The following DPP6 variants were observed in gnomAD, a reference collection of about 807,000 sequenced individuals.
The protein encoded by DPP6 is dipeptidyl peptidase like 6, also known as A-type potassium channel modulatory protein DPP6.
Under a neutral mutation model 122.6 loss-of-function variants are expected in DPP6, and 69 were observed. The ratio of observed to expected loss-of-function variants is 0.56; its 90% CI spans 0.46 to 0.69. DPP6 has a LOEUF of 0.69. Ranked by LOEUF, DPP6 falls within the 30% of genes least tolerant of loss-of-function variation. The pLI is 0.00. For missense variants in DPP6, 928 were observed against 1,116.9 expected (o/e 0.83, Z 2.41); for synonymous variants, 418 against 433.1 (o/e 0.97, Z 0.43).
intron 18 of DPP6, among the ~76,000 whole-genome samples, chr7:154,868,981 C>T (rs1199506891): frequency 6.6e-6 from 1 of 152,158 alleles, no homozygotes; most frequent in East Asian, 1.9e-4. Context: ...CACCACTTAC[C>T]CATCACCTCT....
intron 1 of DPP6, among the ~76,000 whole-genome samples, chr7:154,134,805 A>G (rs1795461090): frequency 6.6e-6 from 1 of 152,140 alleles, no homozygotes; most frequent in Non-Finnish European, 1.5e-5. Flanking sequence ...TTGTGAGTGT[A>G]CACTTCCTAT....
intron 1 of DPP6, among the ~76,000 whole-genome samples, chr7:153,998,887 TAG>T (rs556267348): frequency 6.6e-6 from 1 of 152,252 alleles, no homozygotes; most frequent in Non-Finnish European, 1.5e-5. Flanking sequence ...ATCCCATTGA[TAG>T]AGAGTCAATT....
chr7:154,127,444 T>C (rs2150622213), intron 1 of DPP6, among the ~76,000 whole-genome samples: 1 of 152,278 alleles, frequency 6.6e-6, no homozygotes, highest in South Asian at 2.1e-4. Context: ...CTTCCCCTCA[T>C]GCACGGCCCT....
intron 8 of DPP6, among the ~76,000 whole-genome samples, chr7:154,749,745 G>C (rs868301496): frequency 2.0e-5 from 1 of 50,558 alleles, no homozygotes; most frequent in Non-Finnish European, 4.2e-5. Context: ...CATAGGACGG[G>C]AAAGAGAGGG....
At chr7:154,646,039 A>AAAAAAAC (rs1414745197) in intron 6 of DPP6, among the ~76,000 whole-genome samples, 4 of 149,570 alleles carry the variant, frequency 2.7e-5, no homozygotes, top group African/African-American at 4.9e-5. Context: ...AAAAAAAAAA[A>AAAAAAAC]AAAAAAGAAA....
intron 2 of DPP6, among the ~76,000 whole-genome samples, chr7:154,472,455 G>A (rs927740766): frequency 4.0e-5 from 3 of 74,862 alleles, no homozygotes; most frequent in Non-Finnish European, 1.3e-4. Flanking sequence ...AAGTCCTCCT[G>A]GAATCAATCC....
chr7:154,738,686 G>A (rs181941255), intron 8 of DPP6, among the ~76,000 whole-genome samples: 128 of 152,298 alleles, frequency 8.4e-4, no homozygotes, highest in African/African-American at 2.5e-3. Context: ...CCTGCTTAGC[G>A]GATAGAGCTT....
intron 3 of DPP6, among the ~76,000 whole-genome samples, chr7:154,491,226 G>C (rs1469577466): frequency 6.6e-6 from 1 of 152,140 alleles, no homozygotes; most frequent in Non-Finnish European, 1.5e-5. Flanking sequence ...AAAACTTAAT[G>C]TTGGATTAAG....
At chr7:154,879,881 CTG>C (rs1342993240) in intron 20 of DPP6, among the ~76,000 whole-genome samples, 1 of 152,212 alleles carries the variant, frequency 6.6e-6, no homozygotes, top group Admixed American at 6.5e-5. Context: ...TTAAGAGGCA[CTG>C]GAACTGAGGC....
At chr7:154,504,380 A>C (rs1825504004) in intron 3 of DPP6, among the ~76,000 whole-genome samples, 1 of 152,182 alleles carries the variant, frequency 6.6e-6, no homozygotes, top group Non-Finnish European at 1.5e-5. Flanking sequence ...ATTAATATAT[A>C]ATCTTATCGT....
chr7:153,848,161 G>A, the DPP6 span, among the ~76,000 whole-genome samples: 13 of 152,240 alleles, frequency 8.5e-5, no homozygotes, highest in Admixed American at 1.3e-4. Context: ...ACAAGCTAGC[G>A]CTGAGGGCAT....
At chr7:154,814,958 A>C (rs1211477405) in intron 16 of DPP6, among the ~76,000 whole-genome samples, 2 of 152,170 alleles carry the variant, frequency 1.3e-5, no homozygotes, top group Non-Finnish European at 1.5e-5. Context: ...ACACCTGCAA[A>C]GACCTCGTTT....
chr7:154,728,399 T>C (rs1004239038), intron 8 of DPP6, among the ~76,000 whole-genome samples: 2 of 152,232 alleles, frequency 1.3e-5, no homozygotes, highest in Non-Finnish European at 2.9e-5. Context: ...TTTCTACCAC[T>C]GGTTTGCCTT....
chr7:153,843,047 CAT>C, the DPP6 span, among the ~76,000 whole-genome samples: 103 of 152,188 alleles, frequency 6.8e-4, 1 homozygote, highest in South Asian at 6.8e-3. Context: ...TGCATACACA[CAT>C]GAGTGCATAC....
chr7:154,501,443 C>T (rs1825235516), intron 3 of DPP6, among the ~76,000 whole-genome samples: 1 of 152,152 alleles, frequency 6.6e-6, no homozygotes, highest in Non-Finnish European at 1.5e-5. Context: ...GTGGACTGGG[C>T]CCAGGGTTCA....
intron 7 of DPP6, among the ~76,000 whole-genome samples, chr7:154,696,246 C>T (rs1359877195): frequency 6.6e-6 from 1 of 152,174 alleles, no homozygotes; most frequent in Non-Finnish European, 1.5e-5. Context: ...CACCCGGGCC[C>T]CTGGGTGTGG....
intron 1 of DPP6, among the ~76,000 whole-genome samples, chr7:153,900,921 C>T (rs1449377083): frequency 6.6e-6 from 1 of 152,140 alleles, no homozygotes; most frequent in Non-Finnish European, 1.5e-5. Context: ...AGAGCATTTC[C>T]ATGGGTAGAA....
In DPP6 at chr7:153,968,400, G is replaced by T. The variant is rs542955300; in HGVS notation, c.51+80666G>T. On this transcript the variant is annotated intron_variant, in intron 1 of 25. Coordinates refer to the DPP6 transcript ENST00000404039. Reference sequence around the variant, plus strand: ...ATATTCTTTGTCCACTTTTTAATGTGGTTATTTGCTTTTTGCTTGTTTATT... The same window carrying T: ...ATATTCTTTGTCCACTTTTTAATGTTGTTATTTGCTTTTTGCTTGTTTATT... 2.0e-3 allele frequency among the ~76,000 whole-genome samples: 298 copies of T among 152,030 alleles called. 2 individuals carry two copies. The highest frequency in any genetic ancestry group is 7.0e-3 in the African/African-American group (288 of 41,434).
chr7:154,726,327 G>C lies in DPP6; in HGVS notation c.763-1440G>C, dbSNP rs1347486905. On this transcript the variant is annotated intron_variant, in intron 7 of 25. Transcript: ENST00000377770. ...TTCACCCCACAACAGACTTCTGCCT[G>C]GACTTCCAGGCATTTCATACATCCT... is the stretch of plus-strand genomic sequence containing the variant. 2.0e-5 allele frequency among the ~76,000 whole-genome samples: 3 copies of C among 152,176 alleles called. No homozygotes were observed. In the East Asian group the frequency reaches 5.8e-4, roughly 29 times the overall value.
Sources: allele counts gnomAD v4.1 joint callset (sites outside exome capture counted in the v4.1 genomes callset), GRCh38; gene constraint gnomAD v4.1.1; transcripts MANE v1.5; gene names NCBI Gene and HGNC (gene_info 2026-07-23, HGNC 2026-07-21).